TNFRSF13B: variants seen among roughly 807,000 people sequenced by gnomAD.
The protein encoded by TNFRSF13B is tumor necrosis factor receptor superfamily member 13B.
Under a neutral mutation model 24.0 loss-of-function variants are expected in TNFRSF13B, and 34 were observed. The ratio of observed to expected loss-of-function variants is 1.41; its 90% CI spans 1.08 to 1.88. The LOEUF (loss-of-function observed/expected upper bound fraction) is 1.88. Among genes scored for constraint, TNFRSF13B ranks in the 40% most tolerant of loss-of-function variants. The pLI is 0.00. For synonymous variants in TNFRSF13B, 173 were observed against 150.3 expected (o/e 1.15, Z -1.10); for missense variants, 415 against 380.8 (o/e 1.09, Z -0.75).
chr17:16,953,715 T>TC (rs1192218657), intron 1 of TNFRSF13B, among the ~76,000 whole-genome samples: 3 of 152,168 alleles, frequency 2.0e-5, no homozygotes, highest in Non-Finnish European at 4.4e-5. Flanking sequence ...GACATTTGCT[T>TC]CCCCCAATAA....
At chr17:16,949,923 T>G (rs1378368212) in intron 2 of TNFRSF13B, among the ~76,000 whole-genome samples, 1 of 152,062 alleles carries the variant, frequency 6.6e-6, no homozygotes, top group African/African-American at 2.4e-5. Context: ...TGACCTCAGG[T>G]GATCTGCCTG....
intron 3 of TNFRSF13B, among the ~76,000 whole-genome samples, chr17:16,945,672 G>C (rs1456546584): frequency 6.6e-6 from 1 of 152,200 alleles, no homozygotes; most frequent in Admixed American, 6.5e-5. Context: ...ATGGCCCCTC[G>C]CATCTGTGGC....
intron 2 of TNFRSF13B, among the ~76,000 whole-genome samples, chr17:16,950,844 C>G (rs2087583633): frequency 6.6e-6 from 1 of 152,136 alleles, no homozygotes; most frequent in Non-Finnish European, 1.5e-5. Flanking sequence ...GCCCTTTCTT[C>G]CAGGTGCCCA....
At position 16,940,472 on chromosome 17, in the gene TNFRSF13B, AG is replaced by A. The variant is rs1360534324; in HGVS notation, c.484del (p.Leu162TrpfsTer59). ...GLKLSADQVALVYSTLGLCLC... is the reference protein window; with the variant it reads ...GLKLSADQVAXVYSTLGLCLC... ...GCAGAGCCCCAGCGTGCTGTAGACC[AG>A]GGCCACCTGATCTGCACTCAGCTTC... On this transcript the variant is annotated frameshift_variant, in exon 4 of 5. Coordinates refer to ENST00000261652, the MANE Select transcript of TNFRSF13B (RefSeq NM_012452.3). LOFTEE classifies it high-confidence loss of function. 1 of 1,613,660 alleles carries A rather than the reference AG, an allele frequency of 6.2e-7. No individual in the cohort carries two copies. The highest frequency in any genetic ancestry group is 8.5e-7 in the Non-Finnish European group (1 of 1,180,006).
intron 1 of TNFRSF13B, among the ~76,000 whole-genome samples, chr17:16,964,242 C>T (rs1190476216): frequency 1.6e-4 from 25 of 151,678 alleles, no homozygotes; most frequent in Non-Finnish European, 3.7e-4. Flanking sequence ...TTTTGAAATA[C>T]TGAAAATGGC....
chr17:16,953,865 G>A (rs926743128), intron 1 of TNFRSF13B, among the ~76,000 whole-genome samples: 1 of 152,122 alleles, frequency 6.6e-6, no homozygotes, highest in Admixed American at 6.5e-5. Context: ...CACCTCCCGG[G>A]TTCAAGCAGT....
At chr17:16,940,987 G>T in intron 3 of TNFRSF13B, 1 of 1,014,816 alleles carries the variant, frequency 9.9e-7, no homozygotes, top group Non-Finnish European at 1.2e-6. Flanking sequence ...ATGTCCAAGT[G>T]CCTGATACAA....
chr17:16,970,982 C>T (rs2087739589), intron 1 of TNFRSF13B, among the ~76,000 whole-genome samples: 1 of 152,178 alleles, frequency 6.6e-6, no homozygotes, highest in Non-Finnish European at 1.5e-5. Context: ...CCGGGTCCAT[C>T]TGGCCATGGG....
At chr17:16,946,403 G>A (rs968163131) in intron 3 of TNFRSF13B, among the ~76,000 whole-genome samples, 3 of 152,090 alleles carry the variant, frequency 2.0e-5, no homozygotes, top group Admixed American at 2.0e-4. Context: ...ACAGAGCAGG[G>A]CAGGTGCAAA....
At chr17:16,947,811 CAG>C (rs2087559270) in intron 3 of TNFRSF13B, among the ~76,000 whole-genome samples, 1 of 152,196 alleles carries the variant, frequency 6.6e-6, no homozygotes, top group Non-Finnish European at 1.5e-5. Context: ...GGACTTAAAA[CAG>C]AGTTACCGTT....
At chr17:16,966,826 C>G (rs907799009) in intron 1 of TNFRSF13B, among the ~76,000 whole-genome samples, 10 of 105,262 alleles carry the variant, frequency 9.5e-5, no homozygotes, top group East Asian at 3.8e-4. Context: ...TTTGTTTTTT[C>G]TTTTTCTTTT....
At chr17:16,949,079 C>A (rs2087570745) in intron 2 of TNFRSF13B, 96 bp from the exon 3 acceptor site, 2 of 1,505,886 alleles carry the variant, frequency 1.3e-6, no homozygotes, top group Non-Finnish European at 1.8e-6. Flanking sequence ...AAAAAAAATA[C>A]AGTAAAATTC....
rs528988545 is a variant in TNFRSF13B, at chr17:16,949,886, G to A, written c.200-903C>T. On this transcript the variant is annotated intron_variant, in intron 2 of 4. Transcript: ENST00000261652. ...TTTTTAGTAGAGATGGACTTTCGCC[G>A]TGTTGGCCAGGCTGGTCGTGAACTC... Among the ~76,000 whole-genome samples the A allele has an allele frequency of 1.1e-4, 16 of 151,954 alleles. No individual in the cohort carries two copies. The South Asian group carries it at 1.3e-3, about 12-fold the overall frequency.
chr17:16,954,564 G>A (rs2143665971), intron 1 of TNFRSF13B, among the ~76,000 whole-genome samples: 1 of 152,196 alleles, frequency 6.6e-6, no homozygotes, highest in East Asian at 1.9e-4. Flanking sequence ...TAACATTCTG[G>A]GAGATGGAGG....
Position 16,939,402 on chromosome 17 carries a change from T to C in TNFRSF13B, c.*145A>G. 1 of 979,016 alleles carries C rather than the reference T, an allele frequency of 1.0e-6. No homozygotes were observed. Among genetic ancestry groups the C allele is most frequent in the Non-Finnish European group, 1.5e-6 (1 of 687,884 alleles). The allele number at this position is 979,016 out of a possible 1,614,324, so 60.6% of individuals were successfully genotyped here. The stretch of plus-strand genomic sequence containing the variant: ...CTGTCTCTCTCTCCCTCTGTCTCTC[T>C]CTCCCTCTCTGTCTCCTCTGTTTCT... On this transcript the variant is annotated 3_prime_UTR_variant, in exon 5 of 5. Coordinates refer to ENST00000261652, the MANE Select transcript of TNFRSF13B (RefSeq NM_012452.3).
At chr17:16,963,295 T>C (rs1447960218) in intron 1 of TNFRSF13B, among the ~76,000 whole-genome samples, 9 of 152,218 alleles carry the variant, frequency 5.9e-5, no homozygotes, top group Non-Finnish European at 1.5e-5. Flanking sequence ...GGACAAGGCC[T>C]ACACCTGGAT....
intron 1 of TNFRSF13B, among the ~76,000 whole-genome samples, chr17:16,970,310 G>A (rs145507909): frequency 2.4e-3 from 360 of 152,110 alleles, no homozygotes; most frequent in African/African-American, 8.4e-3. Flanking sequence ...ACTCTGGGCC[G>A]CCACAAATTT....
At chr17:16,951,537 G>A (rs1341211047) in intron 2 of TNFRSF13B, among the ~76,000 whole-genome samples, 3 of 152,212 alleles carry the variant, frequency 2.0e-5, no homozygotes, top group African/African-American at 7.2e-5. Context: ...TGTTTCACAG[G>A]TTTTCGTGGT....
chr17:16,939,395 GTC>G lies in TNFRSF13B; in HGVS notation c.*150_*151del, dbSNP rs1406364685. 5.6e-6 allele frequency: 5 copies of G among 891,288 alleles called. No individual in the cohort carries two copies. The highest frequency in any genetic ancestry group is 8.0e-6 in the Non-Finnish European group (5 of 621,464). 55.2% of individuals were successfully genotyped at this position (891,288 alleles called of 1,614,324 possible). A position where few individuals can be genotyped will look rare whatever the true frequency, so the allele number is the denominator to read the frequency against. On this transcript the variant is annotated 3_prime_UTR_variant, in exon 5 of 5. Transcript: ENST00000261652. ...TTCCCCTCTGTCTCTCTCTCCCTCTGTCTCTCTCTCCCTCTCTGTCTCCTCTG... is the reference window on the plus strand; with the variant it reads ...TTCCCCTCTGTCTCTCTCTCCCTCTGTCTCTCTCCCTCTCTGTCTCCTCTG...
Sources: gnomAD v4.1 joint callset for allele counts (sites outside exome capture counted in the v4.1 genomes callset) on GRCh38, gnomAD v4.1.1 for gene constraint, MANE v1.5 for transcripts, NCBI Gene and HGNC (gene_info 2026-07-23, HGNC 2026-07-21) for gene names.